Variants in CD63 observed in about 807,000 individuals in gnomAD.
The protein encoded by CD63 is CD63 antigen.
A neutral mutation model predicts 29.2 loss-of-function variants in CD63; 16 were observed. That is an observed-to-expected ratio of 0.55 (90% confidence interval 0.37 to 0.83). The LOEUF is 0.83. CD63 is among the 40% of genes least tolerant of loss of function. The pLI is 0.00. For missense variants in CD63, 251 were observed against 297.3 expected, an observed-to-expected ratio of 0.84 and a Z score of 1.15; for synonymous variants, 118 against 111.7, an observed-to-expected ratio of 1.06 and a Z score of -0.36.
Position 55,726,912 on chromosome 12 carries a change from G to GC in CD63, c.307dup (p.Ala103GlyfsTer6), listed in dbSNP as rs1215222545. 1 of 1,613,914 alleles carries GC rather than the reference G, an allele frequency of 6.2e-7. No homozygotes were observed. The highest frequency in any genetic ancestry group is 1.7e-5 in the Admixed American group (1 of 60,012). On this transcript the variant is annotated frameshift_variant, in exon 4 of 8. Transcript: ENST00000257857. LOFTEE classifies it high-confidence loss of function. Reference sequence around the variant, plus strand: ...TACCTTATCTCTAAACACATAGCCAGCAATGGCTGCGGCCACCTCCACCAA... The same window carrying GC: ...TACCTTATCTCTAAACACATAGCCAGCCAATGGCTGCGGCCACCTCCACCAA...
At position 55,728,338 on chromosome 12, in the gene CD63, C is replaced by A. The variant is rs1877646145; in HGVS notation, c.4G>T (p.Ala2Ser). M[A>S]VEGGMKCVKF... ...ACACATTTCATTCCTCCTTCCACCG[C>A]CATGGCTGCCGGGCCTGGGGCAGAG... The change falls in exon 2 of 8, where the codon GCG (alanine) becomes TCG (serine). Residue 2 changes from alanine (A) to serine (S), a missense_variant. By Grantham distance (99) the Ala-to-Ser change is moderately conservative. Transcript: ENST00000257857. The surrounding 1 kb of genome is among the most constrained non-coding windows in gnomAD (Gnocchi z 4.8). 1.2e-6 allele frequency: 2 copies of A among 1,610,202 alleles called. No individual in the cohort carries two copies. Among genetic ancestry groups the A allele is most frequent in the Non-Finnish European group, 1.7e-6 (2 of 1,178,990 alleles).
At position 55,725,800 on chromosome 12, in the gene CD63, G is replaced by A; in HGVS notation, c.651+13C>T. 5 of 1,612,618 alleles carry A rather than the reference G, an allele frequency of 3.1e-6. No individual in the cohort carries two copies. The highest frequency in any genetic ancestry group is 1.3e-5 in the African/African-American group (1 of 74,938). On this transcript the variant is annotated intron_variant, in intron 7 of 7. Transcript: ENST00000257857. ...GGACAGAGTCCCAGCCCCTGCTCAG[G>A]GTTATCTCTTACCTCGACAAAAGCA...
At chr12:55,723,760 T>C (rs1403946894), downstream of CD63, 6 of 1,069,684 alleles carry the variant, frequency 5.6e-6, no homozygotes, top group South Asian at 2.6e-5. Flanking sequence ...CCCGGGGCAG[T>C]AGGCATCTCC....
Position 55,726,860 on chromosome 12 carries a change from G to A in CD63, c.330+30C>T, listed in dbSNP as rs139280923. 541 of 1,609,168 alleles carry A rather than the reference G, an allele frequency of 3.4e-4. 3 individuals are homozygous for A. The Admixed American group carries it at 6.6e-3, about 20-fold the overall frequency. On this transcript the variant is annotated intron_variant, in intron 4 of 7. Coordinates refer to ENST00000257857, the MANE Select transcript of CD63 (RefSeq NM_001780.6). The stretch of plus-strand genomic sequence containing the variant: ...GCACCAGGGTCCCAGACCCGGCTGA[G>A]GCAGGCCCTTCCCATTATTCCCTGC...
At position 55,725,521 on chromosome 12, in the gene CD63, T is replaced by C. The variant is rs1173237553; in HGVS notation, c.*40A>G. ...TAATTGAAAAACCTGGAGGATACTATTCCACTCCCCCAGATGAGGAGGCTG... is the reference window on the plus strand; with the variant it reads ...TAATTGAAAAACCTGGAGGATACTACTCCACTCCCCCAGATGAGGAGGCTG... On this transcript the variant is annotated 3_prime_UTR_variant, in exon 8 of 8. Coordinates refer to ENST00000257857, the MANE Select transcript of CD63 (RefSeq NM_001780.6). 6.7e-7 allele frequency: 1 copy of C among 1,483,178 alleles called. No individual in the cohort carries two copies. The allele number at this position is 1,483,178 out of a possible 1,614,324, so 91.9% of individuals were successfully genotyped here. A position where few individuals can be genotyped will look rare whatever the true frequency, so the allele number is the denominator to read the frequency against.
downstream of CD63, chr12:55,723,543 GA>G: frequency 3.1e-6 from 1 of 323,194 alleles, no homozygotes; most frequent in East Asian, 8.6e-5. Flanking sequence ...CCTACAAGCT[GA>G]TAATGGTTTT....
chr12:55,723,610 T>A (rs1877030804), downstream of CD63: 1 of 451,878 alleles, frequency 2.2e-6, no homozygotes, highest in African/African-American at 2.0e-5. Flanking sequence ...GATAATATCA[T>A]TAATTTTGTT....
chr12:55,727,421 A>G, intron 2 of CD63, 82 bp from the exon 3 acceptor site: 4 of 1,373,118 alleles, frequency 2.9e-6, no homozygotes, highest in Non-Finnish European at 4.0e-6. Flanking sequence ...TACACCTAGG[A>G]CACAGACTTG....
intron 2 of CD63, 43 bp from the exon 3 acceptor site, chr12:55,727,382 A>G: frequency 6.4e-7 from 1 of 1,555,334 alleles, no homozygotes; most frequent in Non-Finnish European, 8.8e-7. Context: ...TCCACAACAC[A>G]GTGGCCCTCC....
chr12:55,728,871 C>G lies in CD63; in HGVS notation c.-12+82G>C, dbSNP rs1375768633. 1.0e-6 allele frequency: 1 copy of G among 989,772 alleles called. No individual in the cohort carries two copies. Among genetic ancestry groups the G allele is most frequent in the Non-Finnish European group, 1.2e-6 (1 of 832,488 alleles). The allele number at this position is 989,772 out of a possible 1,614,324, so 61.3% of individuals were successfully genotyped here. On this transcript the variant is annotated intron_variant, in intron 1 of 7. Coordinates refer to ENST00000257857, the MANE Select transcript of CD63 (RefSeq NM_001780.6). The surrounding 1 kb of genome is among the most constrained non-coding windows in gnomAD (Gnocchi z 4.8). ...AGAGCGCCGGACGAGTCTCCGCGGG[C>G]CTGGGGCGAGCCCTGGAGGAAGGGA...
downstream of CD63, chr12:55,724,289 G>A (rs554685831): frequency 7.8e-5 from 125 of 1,611,054 alleles, 4 homozygotes; most frequent in South Asian, 1.3e-3. Context: ...AGTGAGGAAG[G>A]GAAACTGATT....
Position 55,726,712 on chromosome 12 carries a change from C to T in CD63, c.414G>A (p.Arg138=), listed in dbSNP as rs779520741. ...CAACCCCACTCACATCTGCCTGCAT[C>T]CTGTCCAGGATCGAAGCAGTGTGGT... ...KNNHTASILD[R]MQADFKCCGA... is the part of the protein sequence containing the mutation. The change falls in exon 5 of 8, where the codon AGG becomes AGA. Residue 138 remains arginine, a synonymous_variant. Transcript: ENST00000257857. 3.1e-6 allele frequency: 5 copies of T among 1,613,698 alleles called. No homozygotes were observed. In the South Asian group the frequency reaches 5.5e-5, roughly 18 times the overall value.
intron 2 of CD63, chr12:55,727,786 C>T: frequency 1.9e-6 from 2 of 1,032,476 alleles, no homozygotes; most frequent in South Asian, 3.7e-5. Flanking sequence ...TGATGTGTCC[C>T]TCCCTAGACA....
At position 55,727,105 on chromosome 12, in the gene CD63, C is replaced by G. The variant is rs755579444; in HGVS notation, c.255+46G>C. The G allele has an allele frequency of 2.3e-5, 37 of 1,590,182 alleles. No homozygotes were observed. The Admixed American group carries it at 3.7e-4, about 16-fold the overall frequency. ...ACCTTCCTGAGCCCGAACCAAGCTG[C>G]TCTGGCAGTCCCAGACCGCCCATGT... On this transcript the variant is annotated intron_variant, in intron 3 of 7. Coordinates refer to ENST00000257857, the MANE Select transcript of CD63 (RefSeq NM_001780.6).
At chr12:55,725,178 C>G, downstream of CD63, 1 of 297,012 alleles carries the variant, frequency 3.4e-6, no homozygotes, top group South Asian at 3.4e-5. Context: ...GGGCTGGGCT[C>G]TCGCAGGTGG....
chr12:55,728,839 C>T lies in CD63; in HGVS notation c.-12+114G>A. 2 of 989,844 alleles carry T rather than the reference C, an allele frequency of 2.0e-6. No individual in the cohort carries two copies. Among genetic ancestry groups the T allele is most frequent in the Non-Finnish European group, 2.4e-6 (2 of 832,728 alleles). The allele number at this position is 989,844 out of a possible 1,614,324, so 61.3% of individuals were successfully genotyped here. ...ACTTCGAAGCAAAGTTGCTCCAGGG[C>T]GGCTGGAGAGCGCCGGACGAGTCTC... On this transcript the variant is annotated intron_variant, in intron 1 of 7. Coordinates refer to ENST00000257857, the MANE Select transcript of CD63 (RefSeq NM_001780.6). The surrounding 1 kb of genome is among the most constrained non-coding windows in gnomAD (Gnocchi z 4.8).
intron 3 of CD63, 41 bp downstream of exon 3, chr12:55,727,110 G>GC: frequency 6.3e-7 from 1 of 1,595,008 alleles, no homozygotes; most frequent in Non-Finnish European, 8.6e-7. Context: ...AGCTGCTCTG[G>GC]CAGTCCCAGA....
Position 55,728,284 on chromosome 12 carries a change from C to T in CD63, c.58G>A (p.Ala20Thr). ...VKFLLYVLLL[A>T]FCACAVGLIA... The stretch of plus-strand genomic sequence containing the variant: ...GACCCCTCGCCACTCACGCAAAAGG[C>T]CAGCAGGAGGACGTAGAGCAAGAAC... The change falls in exon 2 of 8, where the codon GCC becomes ACC. Residue 20 changes from alanine (A) to threonine (T), a missense_variant. By Grantham distance (58) the Ala-to-Thr change is moderately conservative (BLOSUM62 0). Transcript: ENST00000257857. The surrounding 1 kb of genome is among the most constrained non-coding windows in gnomAD (Gnocchi z 4.8). 2 of 1,610,144 alleles carry T rather than the reference C, an allele frequency of 1.2e-6. No homozygotes were observed. The highest frequency in any genetic ancestry group is 1.7e-6 in the Non-Finnish European group (2 of 1,178,640).
chr12:55,728,519 C>T lies in CD63; in HGVS notation c.-11-167G>A. ...CGTCTCCCAGCCCCCTCTTTACCCGCAGGAGAGGGGTGGGGGCGACGGCCG... is the reference window on the plus strand; with the variant it reads ...CGTCTCCCAGCCCCCTCTTTACCCGTAGGAGAGGGGTGGGGGCGACGGCCG... On this transcript the variant is annotated intron_variant, in intron 1 of 7. Coordinates refer to ENST00000257857, the MANE Select transcript of CD63 (RefSeq NM_001780.6). The surrounding 1 kb of genome is among the most constrained non-coding windows in gnomAD (Gnocchi z 4.8). 1 of 1,456,876 alleles carries T rather than the reference C, an allele frequency of 6.9e-7. No individual in the cohort carries two copies. The highest frequency in any genetic ancestry group is 1.4e-5 in the South Asian group (1 of 71,212). The allele number at this position is 1,456,876 out of a possible 1,614,324, so 90.2% of individuals were successfully genotyped here. A position where few individuals can be genotyped will look rare whatever the true frequency, so the allele number is the denominator to read the frequency against.
Sources: gnomAD v4.1 joint callset for allele counts on GRCh38, gnomAD v4.1.1 for gene constraint, Gnocchi (gnomAD v3.1) non-coding constraint, MANE v1.5 for transcripts, NCBI Gene and HGNC (gene_info 2026-07-23, HGNC 2026-07-21) for gene names.